The following RASA1 variants were observed in gnomAD, a reference collection of about 807,000 sequenced individuals.
The protein encoded by RASA1 is RAS p21 protein activator 1.
Under a neutral mutation model 132.2 loss-of-function variants are expected in RASA1, and 25 were observed. The ratio of observed to expected loss-of-function variants is 0.19; its 90% CI spans 0.14 to 0.26. The LOEUF (loss-of-function observed/expected upper bound fraction) is 0.26, where lower values mean the gene tolerates loss of function less well. Among genes scored for constraint, RASA1 ranks in the 10% least tolerant of loss-of-function variants. The pLI, the probability that RASA1 is intolerant of heterozygous loss-of-function variation, is 1.00. For synonymous variants in RASA1, 477 were observed against 449.9 expected, an observed-to-expected ratio of 1.06 and a Z score of -0.76; for missense variants, 964 against 1,299.2, an observed-to-expected ratio of 0.74 and a Z score of 3.97.
At chr5:87,336,064 C>T (rs1190614117) in intron 4 of RASA1, among the ~76,000 whole-genome samples, 5 of 152,114 alleles carry the variant, frequency 3.3e-5, no homozygotes, top group East Asian at 1.9e-4. Context: ...AGATTTTCCT[C>T]ATATGTTTTA....
At chr5:87,349,390 T>G in intron 8 of RASA1, 26 bp downstream of exon 8, 1 of 1,609,592 alleles carries the variant, frequency 6.2e-7, no homozygotes, top group East Asian at 2.2e-5. Context: ...TTAGCTATCT[T>G]TTACTTTTCG....
At position 87,335,122 on chromosome 5, in the gene RASA1, T is replaced by G. The variant is rs566393175; in HGVS notation, c.899+1785T>G. 1.0e-2 allele frequency among the ~76,000 whole-genome samples: 1,519 copies of G among 152,302 alleles called. 31 individuals are homozygous for G. Among genetic ancestry groups the G allele is most frequent in the African/African-American group, 0.035 (1,450 of 41,566 alleles). ...GTCTTGAACTCTTGACCTCAAGTGA[T>G]CTGCCCGCCTTGGCCTCCCAAAGTG... On this transcript the variant is annotated intron_variant, in intron 4 of 24. Coordinates refer to ENST00000274376, the MANE Select transcript of RASA1 (RefSeq NM_002890.3).
At chr5:87,275,153 CAG>C (rs1013088940) in intron 1 of RASA1, among the ~76,000 whole-genome samples, 1 of 152,176 alleles carries the variant, frequency 6.6e-6, no homozygotes, top group Admixed American at 6.5e-5. Flanking sequence ...GTGAAATGAA[CAG>C]AGTCCCTTTA....
intron 1 of RASA1, among the ~76,000 whole-genome samples, chr5:87,286,164 G>C (rs982342713): frequency 6.6e-6 from 1 of 151,932 alleles, no homozygotes; most frequent in African/African-American, 2.4e-5. Context: ...ACCACCCCTG[G>C]CTAATTTTTG....
rs1200803890 is a variant in RASA1 at position 87,270,190 on chromosome 5, C to T, written c.539+1200C>T. 5.5e-5 allele frequency among the ~76,000 whole-genome samples: 8 copies of T among 144,360 alleles called. No individual in the cohort carries two copies. The East Asian group carries it at 1.7e-3, about 31-fold the overall frequency. 94.7% of individuals were successfully genotyped at this position (144,360 alleles called of 152,430 possible). A position where few individuals can be genotyped will look rare whatever the true frequency, so the allele number is the denominator to read the frequency against. On this transcript the variant is annotated intron_variant, in intron 1 of 24. Transcript: ENST00000274376. ...CCAGGAGGCGGAGGTTGCAGTGAGC[C>T]GAGATCGTGCCGCTGCACTCCAGCC...
Position 87,391,853 on chromosome 5 carries a change from T to TATGTGTATTTTTGTGAAGTATTCAC in RASA1, c.*972_*996dup, listed in dbSNP as rs1762550796. ...AACTGTATAGTTTTATTTACTTCTG[T>TATGTGTATTTTTGTGAAGTATTCAC]ATGTGTATTTTTGTGAAGTATTCAC... is the stretch of plus-strand genomic sequence containing the variant. On this transcript the variant is annotated 3_prime_UTR_variant, in exon 25 of 25. Coordinates refer to ENST00000274376, the MANE Select transcript of RASA1 (RefSeq NM_002890.3). 8.6e-6 allele frequency: 2 copies of TATGTGTATTTTTGTGAAGTATTCAC among 232,008 alleles called. No homozygotes were observed. Among genetic ancestry groups the TATGTGTATTTTTGTGAAGTATTCAC allele is most frequent in the Admixed American group, 1.1e-4 (2 of 17,938 alleles). The allele number at this position is 232,008 out of a possible 1,614,324, so 14.4% of individuals were successfully genotyped here.
At chr5:87,330,130 T>C (rs955175310) in intron 1 of RASA1, among the ~76,000 whole-genome samples, 8 of 152,200 alleles carry the variant, frequency 5.3e-5, no homozygotes, top group African/African-American at 1.9e-4. Context: ...TTCAGCCTTA[T>C]GCATAGGGCT....
chr5:87,308,009 C>G (rs1215448508), intron 1 of RASA1, among the ~76,000 whole-genome samples: 1 of 152,116 alleles, frequency 6.6e-6, no homozygotes, highest in Non-Finnish European at 1.5e-5. Flanking sequence ...GCAGTCTTTC[C>G]TTAGCTTCTT....
intron 9 of RASA1, among the ~76,000 whole-genome samples, chr5:87,358,097 A>G (rs538107808): frequency 4.6e-5 from 7 of 152,196 alleles, no homozygotes; most frequent in Non-Finnish European, 8.8e-5. Flanking sequence ...TTGATTAGTT[A>G]GCAAATCACC....
Position 87,345,128 on chromosome 5 carries a change from G to A in RASA1, c.1050-1544G>A, listed in dbSNP as rs368943847. Among the ~76,000 whole-genome samples, 11 of 152,040 alleles carry A rather than the reference G, an allele frequency of 7.2e-5. No individual in the cohort carries two copies. In the East Asian group the frequency reaches 2.1e-3, roughly 30 times the overall value. On this transcript the variant is annotated intron_variant, in intron 6 of 24. Coordinates refer to ENST00000274376, the MANE Select transcript of RASA1 (RefSeq NM_002890.3). ...TACTGGGATTACAGGTGTGATCCCA[G>A]TTCCCACGCCTGGCCTAGGAGTAGG...
intron 6 of RASA1, among the ~76,000 whole-genome samples, chr5:87,342,156 T>C (rs1475540233): frequency 2.0e-5 from 3 of 151,446 alleles, no homozygotes; most frequent in African/African-American, 4.8e-5. Flanking sequence ...TTTTTTGTTA[T>C]TTTTTCTTTT....
At chr5:87,386,313 C>T (rs747573700) in intron 22 of RASA1, among the ~76,000 whole-genome samples, 26 of 151,958 alleles carry the variant, frequency 1.7e-4, no homozygotes, top group Non-Finnish European at 2.5e-4. Context: ...GATTTTAGTA[C>T]GATGAGCAGT....
intron 9 of RASA1, among the ~76,000 whole-genome samples, chr5:87,356,621 C>T (rs548930311): frequency 6.6e-6 from 1 of 152,112 alleles, no homozygotes; most frequent in African/African-American, 2.4e-5. Flanking sequence ...AAGGCAGAAG[C>T]CTTGGTCTCC....
At chr5:87,311,517 T>A (rs1029133008) in intron 1 of RASA1, among the ~76,000 whole-genome samples, 1 of 152,208 alleles carries the variant, frequency 6.6e-6, no homozygotes, top group Non-Finnish European at 1.5e-5. Context: ...GGCTACAGTT[T>A]AAAATCAGCA....
chr5:87,285,034 A>T (rs1425862836), intron 1 of RASA1, among the ~76,000 whole-genome samples: 1 of 46,192 alleles, frequency 2.2e-5, no homozygotes, highest in Non-Finnish European at 3.9e-5. Flanking sequence ...TAATGGTACC[A>T]TTTATTTATT....
chr5:87,389,831 ATTT>A (rs1037278711), intron 24 of RASA1, among the ~76,000 whole-genome samples: 1 of 151,380 alleles, frequency 6.6e-6, no homozygotes, highest in East Asian at 1.9e-4. Flanking sequence ...TATTGATTTT[ATTT>A]TTTTTTCTTT....
At chr5:87,296,418 C>T (rs1755122567) in intron 1 of RASA1, among the ~76,000 whole-genome samples, 1 of 152,104 alleles carries the variant, frequency 6.6e-6, no homozygotes, top group South Asian at 2.1e-4. Flanking sequence ...CTTGTTCTCT[C>T]ATGTTCTTCC....
intron 3 of RASA1, among the ~76,000 whole-genome samples, chr5:87,332,850 C>T (rs1757695575): frequency 6.6e-6 from 1 of 151,392 alleles, no homozygotes; most frequent in African/African-American, 2.4e-5. Flanking sequence ...TTTAAGTAAC[C>T]AGATTAAAAG....
intron 6 of RASA1, among the ~76,000 whole-genome samples, chr5:87,342,511 C>T (rs1758545872): frequency 6.6e-6 from 1 of 152,136 alleles, no homozygotes; most frequent in Admixed American, 6.5e-5. Context: ...ACAATGTAAG[C>T]AAGTGAAGCG....
Sources: allele counts gnomAD v4.1 joint callset (sites outside exome capture counted in the v4.1 genomes callset), GRCh38; gene constraint gnomAD v4.1.1; transcripts MANE v1.5; gene names NCBI Gene and HGNC (gene_info 2026-07-23, HGNC 2026-07-21).